PLOD2: variants seen among roughly 807,000 people sequenced by gnomAD.
PLOD2 encodes the protein lysine hydroxylase 2.
PLOD2 carries 65 observed loss-of-function variants against 101.0 expected under a neutral mutation model. The ratio of observed to expected loss-of-function variants is 0.64; its 90% CI spans 0.53 to 0.79. PLOD2 has a LOEUF of 0.79. PLOD2 is among the 30% of genes least tolerant of loss of function. The probability of loss-of-function intolerance (pLI) is 0.00; values close to 1 mark genes in which losing one functional copy is unlikely to be tolerated. For missense variants in PLOD2, 909 were observed against 914.6 expected, an observed-to-expected ratio of 0.99 and a Z score of 0.08; for synonymous variants, 314 against 302.9, an observed-to-expected ratio of 1.04 and a Z score of -0.38.
At chr3:146,097,124 G>A (rs1327619000) in intron 7 of PLOD2, among the ~76,000 whole-genome samples, 1 of 149,950 alleles carries the variant, frequency 6.7e-6, no homozygotes, top group East Asian at 2.0e-4. Flanking sequence ...CCAGGAGGGA[G>A]GTGGGGGGGT....
intron 1 of PLOD2, among the ~76,000 whole-genome samples, chr3:146,138,972 C>G (rs1015011357): frequency 6.6e-6 from 1 of 152,104 alleles, no homozygotes; most frequent in African/African-American, 2.4e-5. Flanking sequence ...GTGCTCTTAA[C>G]TGCTATGCAA....
rs1007414915 is a variant in PLOD2 at position 146,146,222 on chromosome 3, A to T, written c.109+14659T>A. ...TTGTCAAAAACATCCATAAAAATTTAAAATAATTTAATGCTTTGCCAAGCT... is the reference window on the plus strand; with the variant it reads ...TTGTCAAAAACATCCATAAAAATTTTAAATAATTTAATGCTTTGCCAAGCT... On this transcript the variant is annotated intron_variant, in intron 1 of 19. Coordinates refer to ENST00000282903, the MANE Select transcript of PLOD2 (RefSeq NM_182943.3). Among the ~76,000 whole-genome samples, 7 of 151,540 alleles carry T rather than the reference A, an allele frequency of 4.6e-5. No individual in the cohort carries two copies. The Admixed American group carries it at 4.6e-4, about 10-fold the overall frequency.
Position 146,079,199 on chromosome 3 carries a change from G to T in PLOD2, c.1417C>A (p.Arg473=). ...TAGTTCCTTTCATTCATCTCTGATC[G>T]GAGTGTCTTTCCTTTAATTAAGTAC... is the stretch of plus-strand genomic sequence containing the variant. ...NVYLIKGKTL[R]SEMNERNYFV... Residue 473 remains arginine (R), a synonymous_variant, in exon 13 of 20, where the codon CGA becomes AGA. Transcript: ENST00000282903. 6.2e-7 allele frequency: 1 copy of T among 1,610,192 alleles called. No individual in the cohort carries two copies. Among genetic ancestry groups the T allele is most frequent in the Non-Finnish European group, 8.5e-7 (1 of 1,176,662 alleles).
intron 1 of PLOD2, among the ~76,000 whole-genome samples, chr3:146,135,712 T>G (rs1002089578): frequency 6.6e-6 from 1 of 152,152 alleles, no homozygotes; most frequent in Non-Finnish European, 1.5e-5. Context: ...CATGCACAAG[T>G]GGATACTTCT....
intron 16 of PLOD2, among the ~76,000 whole-genome samples, 194 bp from the exon 17 acceptor site, chr3:146,072,859 A>C (rs1019080388): frequency 1.3e-5 from 2 of 151,610 alleles, no homozygotes; most frequent in Admixed American, 1.3e-4. Flanking sequence ...ATGACATCTT[A>C]CATTCTCAAA....
At chr3:146,155,454 T>C (rs1166909633) in intron 1 of PLOD2, among the ~76,000 whole-genome samples, 1 of 152,022 alleles carries the variant, frequency 6.6e-6, no homozygotes, top group Non-Finnish European at 1.5e-5. Context: ...GGCTCACACC[T>C]GCAATCCCAG....
At chr3:146,147,949 C>T (rs1245994472) in intron 1 of PLOD2, among the ~76,000 whole-genome samples, 1 of 152,044 alleles carries the variant, frequency 6.6e-6, no homozygotes, top group Non-Finnish European at 1.5e-5. Context: ...GCCTTCTTTT[C>T]CTTTTTTCTC....
chr3:146,135,729 C>T (rs1707471), intron 1 of PLOD2, among the ~76,000 whole-genome samples: 77,824 of 151,790 alleles, frequency 0.51, 20,091 homozygotes, highest in African/African-American at 0.58. Context: ...TTCTCATACA[C>T]GTGCATACTC....
chr3:146,111,524 A>G (rs975518173), intron 3 of PLOD2, among the ~76,000 whole-genome samples: 1 of 152,196 alleles, frequency 6.6e-6, no homozygotes, highest in Non-Finnish European at 1.5e-5. Flanking sequence ...GGCACACTGT[A>G]AACACTGAAC....
chr3:146,149,268 T>C (rs541303071), intron 1 of PLOD2, among the ~76,000 whole-genome samples: 15 of 152,342 alleles, frequency 9.8e-5, no homozygotes, highest in Middle Eastern at 3.4e-3. Flanking sequence ...AATATGCTTT[T>C]AAACTAATTT....
intron 15 of PLOD2, chr3:146,076,558 C>A: frequency 2.7e-6 from 1 of 368,134 alleles, no homozygotes; most frequent in Non-Finnish European, 4.9e-6. Context: ...CAACAACGTA[C>A]AAGCATTCCC....
At chr3:146,110,032 A>C (rs1357444205) in intron 4 of PLOD2, among the ~76,000 whole-genome samples, 4 of 152,186 alleles carry the variant, frequency 2.6e-5, no homozygotes, top group Non-Finnish European at 2.9e-5. Flanking sequence ...ACAACAGAAT[A>C]TCTCTAGAAG....
chr3:146,076,924 C>T, intron 14 of PLOD2, 29 bp from the exon 15 acceptor site: 2 of 1,441,048 alleles, frequency 1.4e-6, no homozygotes, highest in Non-Finnish European at 1.9e-6. Context: ...CAGTATTAAT[C>T]TTAGAGGTAG....
At chr3:146,137,710 A>C (rs1198022331) in intron 1 of PLOD2, among the ~76,000 whole-genome samples, 1 of 152,176 alleles carries the variant, frequency 6.6e-6, no homozygotes, top group African/African-American at 2.4e-5. Flanking sequence ...TTTCTGATTC[A>C]GTTTGTATGG....
intron 1 of PLOD2, among the ~76,000 whole-genome samples, chr3:146,153,829 C>CAAA (rs57315523): frequency 1.7e-4 from 19 of 110,246 alleles, no homozygotes; most frequent in South Asian, 2.8e-4. Context: ...GTCCACAGCA[C>CAAA]AAAAAAAAAA....
intron 1 of PLOD2, among the ~76,000 whole-genome samples, chr3:146,149,324 C>A (rs772792242): frequency 9.9e-5 from 15 of 152,038 alleles, no homozygotes; most frequent in Non-Finnish European, 2.1e-4. Context: ...TCATGTCTTG[C>A]ATCAATAAAG....
At chr3:146,121,337 G>A in intron 2 of PLOD2, 89 bp from the exon 3 acceptor site, 1 of 1,030,840 alleles carries the variant, frequency 9.7e-7, no homozygotes, top group Non-Finnish European at 1.5e-6. Context: ...AACTTGAACA[G>A]TACTGTACCG....
chr3:146,135,194 GT>G (rs1240647748), intron 1 of PLOD2, among the ~76,000 whole-genome samples: 1 of 152,176 alleles, frequency 6.6e-6, no homozygotes, highest in Non-Finnish European at 1.5e-5. Flanking sequence ...TGTCTTGAAA[GT>G]TTTATAGCAT....
At chr3:146,122,228 G>GA (rs1233012992) in intron 2 of PLOD2, among the ~76,000 whole-genome samples, 1 of 152,172 alleles carries the variant, frequency 6.6e-6, no homozygotes, top group African/African-American at 2.4e-5. Flanking sequence ...CAGGTTGAGG[G>GA]AAAAACACAA....
Sources: allele counts gnomAD v4.1 joint callset (sites outside exome capture counted in the v4.1 genomes callset), GRCh38; gene constraint gnomAD v4.1.1; transcripts MANE v1.5; gene names NCBI Gene and HGNC (gene_info 2026-07-23, HGNC 2026-07-21).